Variants in ZMAT5 observed in about 807,000 individuals in gnomAD.
The protein encoded by ZMAT5 is zinc finger matrin-type 5.
In ZMAT5, 23 loss-of-function variants were observed where a neutral mutation model predicts 28.0. The observed-to-expected ratio is 0.82, with a 90% CI of 0.59 to 1.16. The LOEUF (loss-of-function observed/expected upper bound fraction) is 1.16. ZMAT5 is among the 50% of genes most tolerant of loss of function. The probability of loss-of-function intolerance (pLI) is 0.00; values close to 1 mark genes in which losing one functional copy is unlikely to be tolerated. For synonymous variants in ZMAT5, 76 were observed against 84.1 expected (o/e 0.90, Z 0.52); for missense variants, 173 against 212.7 (o/e 0.81, Z 1.16).
intron 4 of ZMAT5, among the ~76,000 whole-genome samples, chr22:29,738,741 C>T (rs1010483717): frequency 6.6e-6 from 1 of 152,098 alleles, no homozygotes; most frequent in African/African-American, 2.4e-5. Flanking sequence ...TGGTGGCTCA[C>T]GTCTGTAATC....
At chr22:29,766,440 C>G (rs1444767416) in intron 1 of ZMAT5, among the ~76,000 whole-genome samples, 1 of 152,244 alleles carries the variant, frequency 6.6e-6, no homozygotes, top group African/African-American at 2.4e-5. Context: ...TCTCCCCACC[C>G]GCCCACTCCG....
At chr22:29,762,363 G>A (rs1402786502) in intron 1 of ZMAT5, among the ~76,000 whole-genome samples, 1 of 152,234 alleles carries the variant, frequency 6.6e-6, no homozygotes, top group East Asian at 1.9e-4. Flanking sequence ...GCCCCGGAAC[G>A]GTACGGGTCC....
chr22:29,741,231 G>A (rs911583437), intron 3 of ZMAT5, among the ~76,000 whole-genome samples: 3 of 152,222 alleles, frequency 2.0e-5, no homozygotes, highest in Non-Finnish European at 4.4e-5. Flanking sequence ...AAAATCTGGG[G>A]TGGCTTCCCC....
chr22:29,765,883 C>T (rs567131304), intron 1 of ZMAT5, among the ~76,000 whole-genome samples: 1 of 152,172 alleles, frequency 6.6e-6, no homozygotes, highest in Non-Finnish European at 1.5e-5. Context: ...AATAACCACC[C>T]ATCTTCCCTC....
intron 5 of ZMAT5, among the ~76,000 whole-genome samples, chr22:29,732,128 C>T (rs2147212086): frequency 6.6e-6 from 1 of 152,386 alleles, no homozygotes; most frequent in South Asian, 2.1e-4. Flanking sequence ...AACCATTCTT[C>T]CACCTGTCCC....
intron 1 of ZMAT5, among the ~76,000 whole-genome samples, chr22:29,749,625 A>C (rs73883309): frequency 1.2e-3 from 189 of 152,248 alleles, no homozygotes; most frequent in African/African-American, 4.0e-3. Flanking sequence ...ATTTTCCCTC[A>C]TAGCATGTAT....
At chr22:29,758,571 C>T (rs1601730062) in intron 1 of ZMAT5, among the ~76,000 whole-genome samples, 1 of 151,832 alleles carries the variant, frequency 6.6e-6, no homozygotes, top group African/African-American at 2.4e-5. Context: ...TGCAGTGAGC[C>T]GAGATCATGC....
chr22:29,748,851 A>C (rs892479297), intron 1 of ZMAT5, among the ~76,000 whole-genome samples: 10 of 152,186 alleles, frequency 6.6e-5, no homozygotes, highest in African/African-American at 2.4e-4. Context: ...TTGCTCTGTC[A>C]CCCAGGCTGG....
At chr22:29,755,017 C>T (rs140816734) in intron 1 of ZMAT5, among the ~76,000 whole-genome samples, 27 of 152,116 alleles carry the variant, frequency 1.8e-4, no homozygotes, top group Non-Finnish European at 3.2e-4. Flanking sequence ...CAGTCAAGGC[C>T]GGGCACGGTG....
chr22:29,738,523 C>T, intron 4 of ZMAT5, 82 bp from the exon 5 acceptor site: 1 of 1,256,424 alleles, frequency 8.0e-7, no homozygotes, highest in Non-Finnish European at 1.1e-6. Flanking sequence ...GCAGAAGCAA[C>T]TGGTAGGCCC....
At chr22:29,740,993 C>T (rs112082205) in intron 3 of ZMAT5, among the ~76,000 whole-genome samples, 3 of 152,340 alleles carry the variant, frequency 2.0e-5, no homozygotes, top group South Asian at 2.1e-4. Flanking sequence ...TGAAGCCTGT[C>T]ATGACTGGGC....
intron 1 of ZMAT5, among the ~76,000 whole-genome samples, chr22:29,757,966 G>A (rs1300834211): frequency 1.3e-5 from 2 of 151,804 alleles, no homozygotes; most frequent in Non-Finnish European, 1.5e-5. Flanking sequence ...GCAGTGAGCC[G>A]AGATCGCCAC....
At chr22:29,744,868 T>TGGCCCAGGCCCTGCACGAGGA (rs1388612513) in intron 2 of ZMAT5, among the ~76,000 whole-genome samples, 1 of 152,236 alleles carries the variant, frequency 6.6e-6, no homozygotes, top group African/African-American at 2.4e-5. Flanking sequence ...TGAGAACCCC[T>TGGCCCAGGCCCTGCACGAGGA]GGCCCAGGCC....
At chr22:29,731,651 G>C (rs934297282) in intron 5 of ZMAT5, 21 of 356,710 alleles carry the variant, frequency 5.9e-5, no homozygotes, top group Non-Finnish European at 1.1e-4. Context: ...GTCCACAGCA[G>C]AGAATGCCAT....
At position 29,765,184 on chromosome 22, in the gene ZMAT5, C is replaced by T. The variant is rs901449040; in HGVS notation, c.-28+1688G>A. On this transcript the variant is annotated intron_variant, in intron 1 of 5. Coordinates refer to ENST00000344318, the MANE Select transcript of ZMAT5 (RefSeq NM_001003692.2). The stretch of plus-strand genomic sequence containing the variant: ...CTGTAATCCCGGCACTTTGGGAGAC[C>T]GTGGCAGGCGGATCACTTGAGGCCA... Among the ~76,000 whole-genome samples the T allele has an allele frequency of 3.3e-5, 5 of 151,848 alleles. No homozygotes were observed. In the South Asian group the frequency reaches 8.3e-4, roughly 25 times the overall value.
chr22:29,742,352 G>A (rs1443488573), intron 3 of ZMAT5, 66 bp downstream of exon 3: 8 of 1,538,404 alleles, frequency 5.2e-6, no homozygotes, highest in Middle Eastern at 3.6e-4. Context: ...CTCTGCAGAG[G>A]TCCAAGTGGG....
At chr22:29,750,674 C>T (rs1287519947) in intron 1 of ZMAT5, among the ~76,000 whole-genome samples, 1 of 152,206 alleles carries the variant, frequency 6.6e-6, no homozygotes, top group African/African-American at 2.4e-5. Context: ...AGAAAAGGTT[C>T]CTGAGGCCCA....
chr22:29,746,756 C>T (rs375738887), intron 2 of ZMAT5: 6 of 152,246 alleles, frequency 3.9e-5, no homozygotes, highest in African/African-American at 1.4e-4. Flanking sequence ...CTATAAGTGA[C>T]ACAGGGACCT....
At chr22:29,754,780 G>A (rs1307893125) in intron 1 of ZMAT5, among the ~76,000 whole-genome samples, 2 of 152,106 alleles carry the variant, frequency 1.3e-5, no homozygotes, top group Non-Finnish European at 2.9e-5. Context: ...AGGCTGAGGT[G>A]GGAGGATAGC....
Sources: allele counts gnomAD v4.1 joint callset (sites outside exome capture counted in the v4.1 genomes callset), GRCh38; gene constraint gnomAD v4.1.1; transcripts MANE v1.5; gene names NCBI Gene and HGNC (gene_info 2026-07-23, HGNC 2026-07-21).